MALRD1: variants seen among roughly 807,000 people sequenced by gnomAD.
MALRD1 encodes MAM and LDL-receptor class A domain-containing protein 1.
In MALRD1, 247 loss-of-function variants were observed where a neutral mutation model predicts 242.1. The ratio of observed to expected loss-of-function variants is 1.02; its 90% confidence interval spans 0.92 to 1.13. MALRD1 has a LOEUF of 1.13. MALRD1 is among the 50% of genes most tolerant of loss of function. The pLI is 0.00. For synonymous variants in MALRD1, 995 were observed against 866.6 expected, an observed-to-expected ratio of 1.15 and a Z score of -2.60; for missense variants, 2,989 against 2,533.1, an observed-to-expected ratio of 1.18 and a Z score of -3.86.
chr10:19,673,409 T>C (rs180954302), intron 36 of MALRD1, among the ~76,000 whole-genome samples: 1 of 151,994 alleles, frequency 6.6e-6, no homozygotes, highest in East Asian at 1.9e-4. Flanking sequence ...TAAATAAAAT[T>C]TTTTGCCTTT....
intron 36 of MALRD1, among the ~76,000 whole-genome samples, chr10:19,651,583 G>A (rs959094541): frequency 6.6e-6 from 1 of 152,082 alleles, no homozygotes; most frequent in Non-Finnish European, 1.5e-5. Context: ...CACTTATTGA[G>A]CATTATTATG....
In MALRD1 at chr10:19,051,982, A is replaced by G. The variant is rs1438451953; in HGVS notation, c.199+2845A>G. The G allele has an allele frequency of 4.5e-5, 13 of 289,118 alleles. 1 individual carries two copies. The highest frequency in any genetic ancestry group is 4.5e-4 in the South Asian group (12 of 26,718). The allele number at this position is 289,118 out of a possible 1,614,324, so 17.9% of individuals were successfully genotyped here. Reference sequence around the variant, plus strand: ...AGCCAAATATACAGCCTTAAAATAGAATGTGGACCTAAATACTCAGAAGCA... The same window carrying G: ...AGCCAAATATACAGCCTTAAAATAGGATGTGGACCTAAATACTCAGAAGCA... On this transcript the variant is annotated intron_variant, in intron 1 of 39. Transcript: ENST00000454679.
intron 12 of MALRD1, among the ~76,000 whole-genome samples, chr10:19,163,384 A>G (rs1834527180): frequency 6.6e-6 from 1 of 151,962 alleles, no homozygotes; most frequent in Non-Finnish European, 1.5e-5. Flanking sequence ...CATTATCCTT[A>G]GCAAACTAAC....
rs535626346 is a variant in MALRD1, at chr10:19,370,689, T to C, written c.4442-16839T>C. ...GCCTCCTGGGTTCAAGTGATTCTTG[T>C]GTCTCAACCTCCTGGGTACCTGAAA... On this transcript the variant is annotated intron_variant, in intron 26 of 39. Coordinates refer to ENST00000454679, the MANE Select transcript of MALRD1 (RefSeq NM_001142308.3). Among the ~76,000 whole-genome samples, 4 of 152,208 alleles carry C rather than the reference T, an allele frequency of 2.6e-5. No homozygotes were observed. In the East Asian group the frequency reaches 7.8e-4, roughly 29 times the overall value.
chr10:19,698,863 T>TA (rs1313024068), intron 38 of MALRD1, among the ~76,000 whole-genome samples: 3 of 152,136 alleles, frequency 2.0e-5, no homozygotes, highest in Non-Finnish European at 4.4e-5. Context: ...TATGTAGCCA[T>TA]AAAAAATGAA....
intron 19 of MALRD1, among the ~76,000 whole-genome samples, chr10:19,278,333 C>G (rs1840635512): frequency 6.6e-6 from 1 of 152,218 alleles, no homozygotes; most frequent in Non-Finnish European, 1.5e-5. Context: ...GCCACGGCAT[C>G]TTATTTGACT....
chr10:19,679,935 C>A (rs990388326), intron 36 of MALRD1, among the ~76,000 whole-genome samples: 37 of 152,100 alleles, frequency 2.4e-4, no homozygotes, highest in African/African-American at 8.7e-4. Flanking sequence ...GCAGGTTGTT[C>A]AATTTCCATG....
chr10:19,515,081 C>CAAAAA (rs199895436), intron 31 of MALRD1, among the ~76,000 whole-genome samples: 1 of 144,372 alleles, frequency 6.9e-6, no homozygotes, highest in African/African-American at 2.5e-5. Flanking sequence ...TGCTTTAGGA[C>CAAAAA]AAAAAAAAAA....
At chr10:19,435,269 T>C (rs1834308220) in intron 28 of MALRD1, among the ~76,000 whole-genome samples, 1 of 151,930 alleles carries the variant, frequency 6.6e-6, no homozygotes, top group African/African-American at 2.4e-5. Flanking sequence ...GTACAGGGAG[T>C]TCCTGTATAC....
chr10:19,063,175 T>G (rs1291098609), intron 1 of MALRD1, among the ~76,000 whole-genome samples: 1 of 152,008 alleles, frequency 6.6e-6, no homozygotes, highest in Non-Finnish European at 1.5e-5. Context: ...ATGTAATGTA[T>G]ATTTTACTAC....
intron 18 of MALRD1, among the ~76,000 whole-genome samples, chr10:19,212,758 A>T (rs1837127546): frequency 6.6e-6 from 1 of 152,104 alleles, no homozygotes; most frequent in African/African-American, 2.4e-5. Context: ...GTGCTTGGCT[A>T]TTATCAGTCA....
chr10:19,281,466 T>A (rs903073315), intron 20 of MALRD1, among the ~76,000 whole-genome samples: 9 of 152,220 alleles, frequency 5.9e-5, no homozygotes, highest in African/African-American at 1.7e-4. Flanking sequence ...TTTTGATAAA[T>A]TCTTTAAGTG....
chr10:19,370,956 G>C (rs1054412353), intron 26 of MALRD1, among the ~76,000 whole-genome samples: 13 of 150,042 alleles, frequency 8.7e-5, no homozygotes, highest in Non-Finnish European at 1.3e-4. Context: ...TTAAAAAAGT[G>C]TTTTTCTTCC....
In MALRD1 at chr10:19,238,463, A is replaced by ATT. The variant is rs1554817755; in HGVS notation, c.2992-19221_2992-19220insTT. The stretch of plus-strand genomic sequence containing the variant: ...ATAATATACATTATATATAATATAT[A>ATT]ATATAATATATAATATACATTATAT... On this transcript the variant is annotated intron_variant, in intron 18 of 39. Transcript: ENST00000454679. Among the ~76,000 whole-genome samples the ATT allele has an allele frequency of 2.7e-4, 10 of 36,978 alleles. 1 individual carries two copies. Among genetic ancestry groups the ATT allele is most frequent in the Non-Finnish European group, 4.0e-4 (10 of 25,144 alleles). The allele number at this position is 36,978 out of a possible 152,430, so 24.3% of individuals were successfully genotyped here.
intron 38 of MALRD1, among the ~76,000 whole-genome samples, chr10:19,717,996 C>G (rs1834468987): frequency 6.9e-6 from 1 of 145,092 alleles, no homozygotes; most frequent in South Asian, 2.2e-4. Flanking sequence ...CAGAGAGATT[C>G]TACCTAAATA....
intron 36 of MALRD1, among the ~76,000 whole-genome samples, chr10:19,675,557 G>A (rs1208979658): frequency 6.6e-6 from 1 of 152,164 alleles, no homozygotes. Flanking sequence ...GAAACTCTGG[G>A]GAGAAGAATA....
intron 26 of MALRD1, among the ~76,000 whole-genome samples, chr10:19,386,377 A>T (rs1020861929): frequency 6.6e-6 from 1 of 151,052 alleles, no homozygotes; most frequent in Non-Finnish European, 1.5e-5. Flanking sequence ...GCAAGGAGTG[A>T]TGTTATCAGC....
chr10:19,407,027 T>G (rs1473330009), intron 28 of MALRD1, among the ~76,000 whole-genome samples: 1 of 152,178 alleles, frequency 6.6e-6, no homozygotes, highest in East Asian at 1.9e-4. Context: ...GAGGACTGTC[T>G]TCCTGATGAA....
chr10:19,430,817 C>G (rs7080525), intron 28 of MALRD1, among the ~76,000 whole-genome samples: 24,973 of 151,966 alleles, frequency 0.16, 2,814 homozygotes, highest in African/African-American at 0.33. Flanking sequence ...GTTAAATATG[C>G]CTTGTTCGAA....
Sources: gnomAD v4.1 joint callset for allele counts (sites outside exome capture counted in the v4.1 genomes callset) on GRCh38, gnomAD v4.1.1 for gene constraint, MANE v1.5 for transcripts, NCBI Gene and HGNC (gene_info 2026-07-23, HGNC 2026-07-21) for gene names.